The following CYP4V2 variants were observed in gnomAD, a reference collection of about 807,000 sequenced individuals.
CYP4V2 encodes cytochrome P450 4V2.
Under a neutral mutation model 60.8 loss-of-function variants are expected in CYP4V2, and 55 were observed. The ratio of observed to expected loss-of-function variants is 0.90; its 90% CI spans 0.73 to 1.13. The LOEUF is 1.13. Ranked by LOEUF, CYP4V2 falls within the 50% of genes most tolerant of loss-of-function variation. The pLI is 0.00. For missense variants in CYP4V2, 675 were observed against 662.9 expected, an observed-to-expected ratio of 1.02 and a Z score of -0.20; for synonymous variants, 239 against 236.8, an observed-to-expected ratio of 1.01 and a Z score of -0.08.
At chr4:186,200,724 T>C (rs1736281143) in intron 6 of CYP4V2, among the ~76,000 whole-genome samples, 1 of 152,152 alleles carries the variant, frequency 6.6e-6, no homozygotes, top group Non-Finnish European at 1.5e-5. Context: ...ATCGCAAGCA[T>C]AGAGGGTGAA....
intron 1 of CYP4V2, among the ~76,000 whole-genome samples, chr4:186,193,533 C>T (rs1736053811): frequency 6.6e-6 from 1 of 152,160 alleles, no homozygotes; most frequent in South Asian, 2.1e-4. Context: ...TTATTTAAAA[C>T]TCTTTAACTT....
At chr4:186,194,359 C>T (rs1736080117) in intron 1 of CYP4V2, 141 bp from the exon 2 acceptor site, 1 of 735,706 alleles carries the variant, frequency 1.4e-6, no homozygotes, top group Non-Finnish European at 2.4e-6. Flanking sequence ...GCAGTTCACA[C>T]ATGCTCTCTA....
At chr4:186,197,677 G>A (rs1048056663) in intron 5 of CYP4V2, 75 bp downstream of exon 5, 1 of 1,469,880 alleles carries the variant, frequency 6.8e-7, no homozygotes, top group Non-Finnish European at 9.5e-7. Context: ...AACAATTTCT[G>A]CGTTGTATCT....
At chr4:186,209,778 T>TG (rs199999491) in intron 10 of CYP4V2, among the ~76,000 whole-genome samples, 19 of 152,050 alleles carry the variant, frequency 1.2e-4, no homozygotes, top group East Asian at 3.9e-4. Flanking sequence ...TTCTAAGGTA[T>TG]GGGGGGGGCT....
intron 1 of CYP4V2, 54 bp from the exon 2 acceptor site, chr4:186,194,446 C>A: frequency 6.9e-7 from 1 of 1,453,666 alleles, no homozygotes; most frequent in Non-Finnish European, 9.7e-7. Context: ...TTGTCCAATA[C>A]TGGTCACAAC....
rs1455774079 is a variant in CYP4V2, at chr4:186,208,873, G to C, written c.1099G>C (p.Asp367His). 1 of 1,614,074 alleles carries C rather than the reference G, an allele frequency of 6.2e-7. No homozygotes were observed. The highest frequency in any genetic ancestry group is 8.5e-7 in the Non-Finnish European group (1 of 1,180,042). The change falls in exon 9 of 11, where the codon GAC becomes CAC. Residue 367 changes from aspartate (D) to histidine (H), a missense_variant. Transcript: ENST00000378802. ...HELDDVFGKS[D>H]RPATVEDLKK... ...CTACTTGCTTTCATCAGGGAAGTCTGACCGTCCCGCTACAGTAGAAGACCT... is the reference window on the plus strand; with the variant it reads ...CTACTTGCTTTCATCAGGGAAGTCTCACCGTCCCGCTACAGTAGAAGACCT...
At chr4:186,205,011 T>C (rs1736454582) in intron 7 of CYP4V2, 189 bp from the exon 8 acceptor site, 13 of 656,610 alleles carry the variant, frequency 2.0e-5, no homozygotes, top group Non-Finnish European at 3.5e-5. Flanking sequence ...TCTCTAGGCA[T>C]GAACCTCCGC....
At position 186,210,768 on chromosome 4, in the gene CYP4V2, C is replaced by A; in HGVS notation, c.*127C>A. On this transcript the variant is annotated 3_prime_UTR_variant, in exon 11 of 11. Coordinates refer to ENST00000378802, the MANE Select transcript of CYP4V2 (RefSeq NM_207352.4). ...CCTAGACCTAATTTTTCCTTGATCC[C>A]ACTGATCTTGACATCAAGTCTAACA... 1 of 1,131,634 alleles carries A rather than the reference C, an allele frequency of 8.8e-7. No individual in the cohort carries two copies. The highest frequency in any genetic ancestry group is 1.3e-6 in the Non-Finnish European group (1 of 782,138). The allele number at this position is 1,131,634 out of a possible 1,614,324, so 70.1% of individuals were successfully genotyped here.
At chr4:186,197,330 C>T in intron 4 of CYP4V2, 200 bp downstream of exon 4, 1 of 846,280 alleles carries the variant, frequency 1.2e-6, no homozygotes, top group Non-Finnish European at 1.9e-6. Context: ...GGAGCAACTG[C>T]CCAGGGAGGC....
At chr4:186,193,732 G>T (rs182637370) in intron 1 of CYP4V2, among the ~76,000 whole-genome samples, 12 of 152,266 alleles carry the variant, frequency 7.9e-5, no homozygotes, top group Non-Finnish European at 1.6e-4. Flanking sequence ...CAAAGTTGGG[G>T]ATATCAGAAT....
chr4:186,196,169 G>T, intron 3 of CYP4V2, 81 bp downstream of exon 3: 1 of 1,236,228 alleles, frequency 8.1e-7, no homozygotes, highest in South Asian at 1.2e-5. Context: ...AATTAACACA[G>T]GGTAGCTTTT....
chr4:186,191,662 C>T lies in CYP4V2; in HGVS notation c.-162C>T. The T allele has an allele frequency of 1.7e-6, 1 of 602,596 alleles. No individual in the cohort carries two copies. Among genetic ancestry groups the T allele is most frequent in the Non-Finnish European group, 2.4e-6 (1 of 424,520 alleles). The allele number at this position is 602,596 out of a possible 1,614,324, so 37.3% of individuals were successfully genotyped here. A position where few individuals can be genotyped will look rare whatever the true frequency, so the allele number is the denominator to read the frequency against. On this transcript the variant is annotated 5_prime_UTR_variant, in exon 1 of 11. Coordinates refer to ENST00000378802, the MANE Select transcript of CYP4V2 (RefSeq NM_207352.4). ...CCCGTGGCGCCCTCTCTGGCCGCCG[C>T]CCGGGCGGGAAACGTCGTTCCGGGG...
intron 6 of CYP4V2, among the ~76,000 whole-genome samples, chr4:186,200,477 A>G (rs1164941178): frequency 6.6e-6 from 1 of 152,266 alleles, no homozygotes; most frequent in Admixed American, 6.5e-5. Flanking sequence ...ATGCTAAATA[A>G]TAAGTATAAC....
In CYP4V2 at chr4:186,208,970, C is replaced by T. The variant is rs751253268; in HGVS notation, c.1196C>T (p.Ala399Val). Residue 399 changes from alanine (A) to valine (V), a missense_variant, in exon 9 of 11, where the codon GCC becomes GTC. Coordinates refer to ENST00000378802, the MANE Select transcript of CYP4V2 (RefSeq NM_207352.4). Reference sequence around the variant, plus strand: ...CTTTTTCCTTCTGTTCCTTTATTTGCCCGTAGTGTTAGTGAAGATTGTGAA... The same window carrying T: ...CTTTTTCCTTCTGTTCCTTTATTTGTCCGTAGTGTTAGTGAAGATTGTGAA... ...LRLFPSVPLFARSVSEDCEVA... is the reference protein window; with the variant it reads ...LRLFPSVPLFVRSVSEDCEVA... The T allele has an allele frequency of 7.4e-6, 12 of 1,613,958 alleles. No individual in the cohort carries two copies. The highest frequency in any genetic ancestry group is 4.4e-5 in the South Asian group (4 of 91,082).
intron 1 of CYP4V2, chr4:186,192,245 T>G (rs747114411): frequency 2.7e-6 from 2 of 727,408 alleles, no homozygotes. Context: ...ATTTTCTTTG[T>G]GTGTAGCACA....
Position 186,195,181 on chromosome 4 carries a change from G to A in CYP4V2, c.327+569G>A, listed in dbSNP as rs563610490. ...GGATTTGGGTCAGGAAACAAAGATG[G>A]GGTAAACAGAGCTTCTCTTCATCGA... On this transcript the variant is annotated intron_variant, in intron 2 of 10. Transcript: ENST00000378802. This position sits in a 1 kb window ranked among gnomAD's most constrained non-coding sequence, Gnocchi z 4.1. Among the ~76,000 whole-genome samples the A allele has an allele frequency of 6.6e-6, 1 of 152,290 alleles. No individual in the cohort carries two copies. The highest frequency in any genetic ancestry group is 1.9e-4 in the East Asian group (1 of 5,180).
At position 186,197,564 on chromosome 4, in the gene CYP4V2, A is replaced by G. The variant is rs1736188565; in HGVS notation, c.636A>G (p.Gln212=). The G allele has an allele frequency of 6.2e-7, 1 of 1,614,270 alleles. No individual in the cohort carries two copies. The highest frequency in any genetic ancestry group is 8.5e-7 in the Non-Finnish European group (1 of 1,180,038). Reference sequence around the variant, plus strand: ...CTATGGGGAAGAATATTGGTGCTCAAAGTAATGATGATTCCGAGTATGTCC... The same window carrying G: ...CTATGGGGAAGAATATTGGTGCTCAGAGTAATGATGATTCCGAGTATGTCC... ...ETAMGKNIGA[Q]SNDDSEYVRA... The change falls in exon 5 of 11, where the codon CAA becomes CAG. Residue 212 remains glutamine, a synonymous_variant. Coordinates refer to ENST00000378802, the MANE Select transcript of CYP4V2 (RefSeq NM_207352.4).
chr4:186,201,520 CA>C (rs1736307087), intron 7 of CYP4V2, 178 bp downstream of exon 7: 1 of 712,502 alleles, frequency 1.4e-6, no homozygotes, highest in East Asian at 2.9e-5. Context: ...TCAACTTCTT[CA>C]GAAAACGATT....
intron 1 of CYP4V2, among the ~76,000 whole-genome samples, chr4:186,193,652 T>C (rs1736058700): frequency 6.6e-6 from 1 of 152,164 alleles, no homozygotes; most frequent in Non-Finnish European, 1.5e-5. Context: ...AGAAGTCAGT[T>C]AGAGTAAGTT....
Sources: gnomAD v4.1 joint callset for allele counts (sites outside exome capture counted in the v4.1 genomes callset) on GRCh38, gnomAD v4.1.1 for gene constraint, Gnocchi (gnomAD v3.1) non-coding constraint, MANE v1.5 for transcripts, NCBI Gene and HGNC (gene_info 2026-07-23, HGNC 2026-07-21) for gene names.